SEC23B: variants seen among roughly 807,000 people sequenced by gnomAD.
SEC23B encodes SEC23 homolog B, COPII component, also known as protein transport protein Sec23B.
In SEC23B, 77 loss-of-function variants were observed where a neutral mutation model predicts 104.3. The observed-to-expected ratio is 0.74, with a 90% confidence interval of 0.61 to 0.89. The LOEUF (loss-of-function observed/expected upper bound fraction) is 0.89, where lower values mean the gene tolerates loss of function less well. Ranked by LOEUF, SEC23B falls within the 40% of genes least tolerant of loss-of-function variation. The pLI, the probability that SEC23B is intolerant of heterozygous loss-of-function variation, is 0.00. For missense variants in SEC23B, 885 were observed against 949.4 expected (o/e 0.93, Z 0.89); for synonymous variants, 338 against 332.5 (o/e 1.02, Z -0.18).
At chr20:18,527,464 G>C in intron 8 of SEC23B, 32 bp from the exon 9 acceptor site, 1 of 1,242,398 alleles carries the variant, frequency 8.0e-7, no homozygotes, top group Non-Finnish European at 1.2e-6. Flanking sequence ...TAATGTCACT[G>C]TTTCCTAAAG....
intron 4 of SEC23B, among the ~76,000 whole-genome samples, chr20:18,524,183 G>A (rs1284380283): frequency 6.6e-6 from 1 of 152,176 alleles, no homozygotes; most frequent in Non-Finnish European, 1.5e-5. Context: ...CCCAGGACCT[G>A]AAACAATGTC....
At chr20:18,518,582 G>GATTTT (rs2060052672) in intron 4 of SEC23B, among the ~76,000 whole-genome samples, 1 of 92,658 alleles carries the variant, frequency 1.1e-5, no homozygotes, top group Non-Finnish European at 2.0e-5. Context: ...CTGGAAGGAG[G>GATTTT]TTTTTTTTTT....
In SEC23B at chr20:18,510,819, C is replaced by A; in HGVS notation, c.-14-3C>A. 1 of 1,601,996 alleles carries A rather than the reference C, an allele frequency of 6.2e-7. No individual in the cohort carries two copies. The highest frequency in any genetic ancestry group is 1.1e-5 in the South Asian group (1 of 90,828). ...ATTAAGGTAATTAAAGTTTTATCTT[C>A]AGTTCCCTTTTAGACTATGGCGACA... is the stretch of plus-strand genomic sequence containing the variant. On this transcript the variant is annotated splice_region_variant and splice_polypyrimidine_tract_variant and intron_variant, in intron 1 of 19. Coordinates refer to ENST00000650089, the MANE Select transcript of SEC23B (RefSeq NM_006363.6).
At chr20:18,534,552 G>A (rs1387066245) in intron 11 of SEC23B, among the ~76,000 whole-genome samples, 1 of 152,154 alleles carries the variant, frequency 6.6e-6, no homozygotes, top group African/African-American at 2.4e-5. Flanking sequence ...GGTGATGGTG[G>A]TAACTGCCCC....
intron 15 of SEC23B, 49 bp from the exon 16 acceptor site, chr20:18,548,560 A>C: frequency 6.3e-7 from 1 of 1,584,790 alleles, no homozygotes; most frequent in Non-Finnish European, 8.7e-7. Context: ...TGGGTGTCTA[A>C]GAAGGTTACA....
chr20:18,550,859 T>A (rs1422033264), intron 16 of SEC23B, among the ~76,000 whole-genome samples: 1 of 151,990 alleles, frequency 6.6e-6, no homozygotes, highest in Non-Finnish European at 1.5e-5. Context: ...ATCTCCGTTC[T>A]CAATTGATGA....
At chr20:18,538,913 T>TA (rs1031236123) in intron 12 of SEC23B, among the ~76,000 whole-genome samples, 1 of 151,372 alleles carries the variant, frequency 6.6e-6, no homozygotes, top group Admixed American at 6.6e-5. Context: ...TCTTTTTAAT[T>TA]AAAAAAAATA....
At chr20:18,546,063 C>A in intron 15 of SEC23B, 30 bp downstream of exon 15, 1 of 1,163,734 alleles carries the variant, frequency 8.6e-7, no homozygotes. Context: ...AAAATAACTA[C>A]AGAGCAATAA....
chr20:18,520,940 T>A, intron 4 of SEC23B, among the ~76,000 whole-genome samples: 1 of 152,080 alleles, frequency 6.6e-6, no homozygotes, highest in East Asian at 1.9e-4. Context: ...GAGTGGCTGC[T>A]TGGTGAGTTG....
chr20:18,526,262 T>C, intron 7 of SEC23B, 111 bp from the exon 8 acceptor site: 2 of 1,279,428 alleles, frequency 1.6e-6, no homozygotes, highest in Non-Finnish European at 2.2e-6. Context: ...TATCACCACT[T>C]TTTAGGACAG....
chr20:18,542,485 T>C (rs2060296926), intron 13 of SEC23B, 83 bp downstream of exon 13: 1 of 1,280,246 alleles, frequency 7.8e-7, no homozygotes, highest in South Asian at 1.2e-5. Flanking sequence ...TGTTAGTTTG[T>C]CTTTTTGATT....
At chr20:18,538,533 G>A (rs1194337640) in intron 12 of SEC23B, among the ~76,000 whole-genome samples, 2 of 152,104 alleles carry the variant, frequency 1.3e-5, no homozygotes, top group African/African-American at 2.4e-5. Context: ...GATTACAGGC[G>A]TGAGCCACCA....
chr20:18,509,201 C>A (rs1246482621), intron 1 of SEC23B, among the ~76,000 whole-genome samples: 1 of 152,150 alleles, frequency 6.6e-6, no homozygotes, highest in Non-Finnish European at 1.5e-5. Context: ...CTTGCCGTTG[C>A]CAGAAATAAA....
At position 18,525,076 on chromosome 20, in the gene SEC23B, T is replaced by C. The variant is rs1184123066; in HGVS notation, c.689+56T>C. 7 of 1,427,964 alleles carry C rather than the reference T, an allele frequency of 4.9e-6. No homozygotes were observed. In the South Asian group the frequency reaches 8.0e-5, roughly 16 times the overall value. 88.5% of individuals were successfully genotyped at this position (1,427,964 alleles called of 1,614,324 possible). ...TTGTGATGGACATGCAGATGATCCA[T>C]GGGAGTAAGGGAAGAAAAATATTAG... On this transcript the variant is annotated intron_variant, in intron 6 of 19. Coordinates refer to ENST00000650089, the MANE Select transcript of SEC23B (RefSeq NM_006363.6).
rs749502550 is a variant in SEC23B at position 18,543,017 on chromosome 20, A to T, written c.1512-2A>T. ...GCATGGCACTAACTCTGGAATTGTCAGTTGGGCAGATGTACAGAGTCAGCT... is the reference window on the plus strand; with the variant it reads ...GCATGGCACTAACTCTGGAATTGTCTGTTGGGCAGATGTACAGAGTCAGCT... On this transcript the variant is annotated splice_acceptor_variant, in intron 13 of 19. Transcript: ENST00000650089. LOFTEE classifies it high-confidence loss of function. 5 of 1,614,164 alleles carry T rather than the reference A, an allele frequency of 3.1e-6. No homozygotes were observed. Among genetic ancestry groups the T allele is most frequent in the Non-Finnish European group, 4.2e-6 (5 of 1,180,022 alleles).
intron 4 of SEC23B, among the ~76,000 whole-genome samples, chr20:18,516,683 CT>C (rs2060031319): frequency 6.6e-6 from 1 of 151,918 alleles, no homozygotes; most frequent in African/African-American, 2.4e-5. Context: ...TCCCGAGTAG[CT>C]GGGATTACAG....
chr20:18,527,053 C>CTTTG (rs1267567603), intron 8 of SEC23B, among the ~76,000 whole-genome samples: 5 of 152,178 alleles, frequency 3.3e-5, no homozygotes, highest in Admixed American at 2.6e-4. Context: ...CCTGTCTGTA[C>CTTTG]TAAAAATACA....
At chr20:18,541,403 G>A (rs955646551) in intron 12 of SEC23B, among the ~76,000 whole-genome samples, 9 of 152,222 alleles carry the variant, frequency 5.9e-5, no homozygotes, top group Admixed American at 5.2e-4. Context: ...GGGGCAAAAG[G>A]CCTAGCTTTC....
intron 11 of SEC23B, 140 bp from the exon 12 acceptor site, chr20:18,535,513 G>C (rs2060221553): frequency 1.5e-6 from 1 of 667,626 alleles, no homozygotes; most frequent in African/African-American, 1.8e-5. Flanking sequence ...TTCAGGAGAA[G>C]GTTTTATTTC....
Sources: allele counts gnomAD v4.1 joint callset (sites outside exome capture counted in the v4.1 genomes callset), GRCh38; gene constraint gnomAD v4.1.1; transcripts MANE v1.5; gene names NCBI Gene and HGNC (gene_info 2026-07-23, HGNC 2026-07-21).